Variants in SHISA5 observed in about 807,000 individuals in gnomAD.
SHISA5 encodes the protein protein shisa-5.
A neutral mutation model predicts 27.5 loss-of-function variants in SHISA5; 21 were observed. That is an observed-to-expected ratio of 0.76 (90% CI 0.54 to 1.10). The LOEUF (loss-of-function observed/expected upper bound fraction) is 1.10, where lower values mean the gene tolerates loss of function less well. SHISA5 is among the 50% of genes least tolerant of loss of function. SHISA5 has a pLI of 0.00. For synonymous variants in SHISA5, 137 were observed against 142.2 expected (o/e 0.96, Z 0.26); for missense variants, 314 against 336.3 (o/e 0.93, Z 0.52).
Position 48,504,052 on chromosome 3 carries a change from G to A in SHISA5, c.43C>T (p.Leu15=). ...VPAPRILLPL[L]LLLLLTPPPG... Reference sequence around the variant, plus strand: ...GGCGGCGTTAGCAGCAGCAGCAACAGCAACGGCAACAGGATCCGCGGCGCG... The same window carrying A: ...GGCGGCGTTAGCAGCAGCAGCAACAACAACGGCAACAGGATCCGCGGCGCG... Residue 15 remains leucine (L), a synonymous_variant, in exon 1 of 6, where the codon CTG becomes TTG. Transcript: ENST00000296444. This position sits in a 1 kb window ranked among gnomAD's most constrained non-coding sequence, Gnocchi z 4.0. The A allele has an allele frequency of 5.5e-6, 8 of 1,455,522 alleles. No homozygotes were observed. The highest frequency in any genetic ancestry group is 7.3e-6 in the Non-Finnish European group (8 of 1,099,804). The allele number at this position is 1,455,522 out of a possible 1,614,324, so 90.2% of individuals were successfully genotyped here. A position where few individuals can be genotyped will look rare whatever the true frequency, so the allele number is the denominator to read the frequency against.
At chr3:48,503,180 C>A in intron 1 of SHISA5, 1 of 1,289,778 alleles carries the variant, frequency 7.8e-7, no homozygotes, top group East Asian at 5.6e-5. Context: ...CCAATCTGAG[C>A]CTCTGAGCTA....
At chr3:48,498,721 AAAG>A (rs938778557) in intron 2 of SHISA5, among the ~76,000 whole-genome samples, 7 of 151,834 alleles carry the variant, frequency 4.6e-5, no homozygotes, top group African/African-American at 9.7e-5. Flanking sequence ...ACAGAATGGA[AAAG>A]AAGAAGTAAC....
intron 3 of SHISA5, among the ~76,000 whole-genome samples, chr3:48,474,495 C>T (rs2040754340): frequency 6.6e-6 from 1 of 151,860 alleles, no homozygotes; most frequent in African/African-American, 2.4e-5. Flanking sequence ...TGCCACCACA[C>T]CTGGCTAATT....
At chr3:48,471,617 A>T (rs1297468121) in intron 3 of SHISA5, among the ~76,000 whole-genome samples, 2 of 148,644 alleles carry the variant, frequency 1.3e-5, no homozygotes, top group Non-Finnish European at 3.0e-5. Context: ...AAAAGATTTT[A>T]AAAAATAAAA....
In SHISA5 at chr3:48,467,897, T is replaced by TAAAC; in HGVS notation, c.*1206_*1209dup. The TAAAC allele has an allele frequency of 2.1e-6, 1 of 470,398 alleles. No homozygotes were observed. The highest frequency in any genetic ancestry group is 3.8e-6 in the Non-Finnish European group (1 of 263,092). The allele number at this position is 470,398 out of a possible 1,614,324, so 29.1% of individuals were successfully genotyped here. ...CAGCTCCAAACGATTGCATTTATTATAAACAAGTGTACAGACCCTAGACTC... is the reference window on the plus strand; with the variant it reads ...CAGCTCCAAACGATTGCATTTATTATAAACAAACAAGTGTACAGACCCTAGACTC... On this transcript the variant is annotated 3_prime_UTR_variant, in exon 6 of 6. Coordinates refer to ENST00000296444, the MANE Select transcript of SHISA5 (RefSeq NM_016479.6).
Position 48,481,709 on chromosome 3 carries a change from C to A in SHISA5, c.234-2452G>T, listed in dbSNP as rs1440540394. ...GGCTGAGGCAGGAGAATTGTTTGAA[C>A]CTGGGAGGTGGAGGTTGCTGTGAGC... On this transcript the variant is annotated intron_variant, in intron 2 of 5. Coordinates refer to ENST00000296444, the MANE Select transcript of SHISA5 (RefSeq NM_016479.6). 1.1e-4 allele frequency among the ~76,000 whole-genome samples: 16 copies of A among 151,640 alleles called. 1 individual carries two copies. The highest frequency in any genetic ancestry group is 1.5e-5 in the Non-Finnish European group (1 of 67,946).
chr3:48,494,485 T>G (rs1358803882), intron 2 of SHISA5, among the ~76,000 whole-genome samples: 1 of 146,436 alleles, frequency 6.8e-6, no homozygotes, highest in Non-Finnish European at 1.5e-5. Flanking sequence ...AGTAGAAACG[T>G]GGTTTCACCA....
chr3:48,490,331 C>T (rs1014067357), intron 2 of SHISA5, among the ~76,000 whole-genome samples: 4 of 152,228 alleles, frequency 2.6e-5, no homozygotes, highest in African/African-American at 7.2e-5. Flanking sequence ...CCTCGGCTTC[C>T]CGAAGTGGTA....
At chr3:48,503,296 C>T (rs1016125275) in intron 1 of SHISA5, 25 of 651,384 alleles carry the variant, frequency 3.8e-5, no homozygotes, top group Admixed American at 9.5e-5. Context: ...TACAGGCTCA[C>T]TCCAGGAGTG....
chr3:48,485,161 C>A (rs890253287), intron 2 of SHISA5, among the ~76,000 whole-genome samples: 5 of 151,836 alleles, frequency 3.3e-5, no homozygotes, highest in African/African-American at 4.8e-5. Flanking sequence ...GGGGACAGAG[C>A]AAGACTCAGT....
chr3:48,503,843 G>A, intron 1 of SHISA5, 176 bp downstream of exon 1: 1 of 1,288,494 alleles, frequency 7.8e-7, no homozygotes, highest in Non-Finnish European at 9.8e-7. Flanking sequence ...AGGCAAGGAG[G>A]GTGCTGGGGT....
intron 3 of SHISA5, among the ~76,000 whole-genome samples, chr3:48,474,768 T>A (rs543468815): frequency 1.3e-5 from 2 of 152,186 alleles, no homozygotes; most frequent in Non-Finnish European, 2.9e-5. Flanking sequence ...GAAAGCACCA[T>A]GCTGTGTCCT....
intron 2 of SHISA5, among the ~76,000 whole-genome samples, chr3:48,480,308 A>T (rs1326753023): frequency 6.6e-6 from 1 of 152,044 alleles, no homozygotes; most frequent in East Asian, 1.9e-4. Context: ...GCAAAATAAA[A>T]CCAAAACTCT....
Position 48,473,393 on chromosome 3 carries a change from T to G in SHISA5, c.315-3550A>C. The stretch of plus-strand genomic sequence containing the variant: ...GCCTCAGTGGGCCCCAACCACACTC[T>G]AGCTCAGCAGCACCCCCACCCCCAC... On this transcript the variant is annotated intron_variant, in intron 3 of 5. Transcript: ENST00000296444. This position sits in a 1 kb window ranked among gnomAD's most constrained non-coding sequence, Gnocchi z 4.3. 7.6e-7 allele frequency: 1 copy of G among 1,320,484 alleles called. No homozygotes were observed. The highest frequency in any genetic ancestry group is 9.9e-7 in the Non-Finnish European group (1 of 1,009,774). 81.8% of individuals were successfully genotyped at this position (1,320,484 alleles called of 1,614,324 possible). A position where few individuals can be genotyped will look rare whatever the true frequency, so the allele number is the denominator to read the frequency against.
Position 48,499,717 on chromosome 3 carries a change from A to AG in SHISA5, c.233+1419dup, listed in dbSNP as rs1480319400. ...AAAAAAATACAAAAATACAAAAATT[A>AG]GCCAGGTGTGGTGGTGCACGCCTAT... On this transcript the variant is annotated intron_variant, in intron 2 of 5. Coordinates refer to ENST00000296444, the MANE Select transcript of SHISA5 (RefSeq NM_016479.6). Among the ~76,000 whole-genome samples the AG allele has an allele frequency of 2.2e-5, 3 of 136,616 alleles. No homozygotes were observed. In the Admixed American group the frequency reaches 2.2e-4, roughly 10 times the overall value. The allele number at this position is 136,616 out of a possible 152,430, so 89.6% of individuals were successfully genotyped here. A position where few individuals can be genotyped will look rare whatever the true frequency, so the allele number is the denominator to read the frequency against.
rs1560117539 is a variant in SHISA5, at chr3:48,469,549, G to A, written c.455C>T (p.Thr152Ile). ...PRPVVTTTTS[T>I]TVVHAPYPQP... ...AGGATAAGGGGCATGCACCACAGTGGTGGATGTGGTGGTGGTGACAACCGC... is the reference window on the plus strand; with the variant it reads ...AGGATAAGGGGCATGCACCACAGTGATGGATGTGGTGGTGGTGACAACCGC... Residue 152 changes from threonine to isoleucine, a missense_variant, in exon 5 of 6, where the codon ACC (threonine) becomes ATC (isoleucine). Coordinates refer to ENST00000296444, the MANE Select transcript of SHISA5 (RefSeq NM_016479.6). This position sits in a 1 kb window ranked among gnomAD's most constrained non-coding sequence, Gnocchi z 4.6. The A allele has an allele frequency of 1.2e-6, 2 of 1,610,278 alleles. No individual in the cohort carries two copies. Among genetic ancestry groups the A allele is most frequent in the Non-Finnish European group, 1.7e-6 (2 of 1,177,366 alleles).
intron 1 of SHISA5, among the ~76,000 whole-genome samples, chr3:48,501,862 T>TA (rs2041764192): frequency 7.0e-6 from 1 of 143,182 alleles, no homozygotes; most frequent in South Asian, 2.2e-4. Context: ...CTTTCTTTCT[T>TA]TTTTTTTTTT....
intron 2 of SHISA5, among the ~76,000 whole-genome samples, chr3:48,483,756 C>CTGGCGGG (rs1434644108): frequency 2.0e-5 from 3 of 147,562 alleles, no homozygotes; most frequent in East Asian, 2.0e-4. Flanking sequence ...GGCGGCTGGC[C>CTGGCGGG]GGGCGGGGGG....
Position 48,473,686 on chromosome 3 carries a change from T to A in SHISA5, c.315-3843A>T. ...CTATGGCTCCTGTAGCTCTTGCGAT[T>A]ACAAAGGAATTTGCTTTATAATTAC... On this transcript the variant is annotated intron_variant, in intron 3 of 5. Coordinates refer to ENST00000296444, the MANE Select transcript of SHISA5 (RefSeq NM_016479.6). The surrounding 1 kb of genome is among the most constrained non-coding windows in gnomAD (Gnocchi z 4.3). The A allele has an allele frequency of 1.2e-6, 1 of 820,636 alleles. No homozygotes were observed. Among genetic ancestry groups the A allele is most frequent in the Non-Finnish European group, 1.5e-6 (1 of 679,836 alleles). The allele number at this position is 820,636 out of a possible 1,614,324, so 50.8% of individuals were successfully genotyped here.
Sources: allele counts gnomAD v4.1 joint callset (sites outside exome capture counted in the v4.1 genomes callset), GRCh38; gene constraint gnomAD v4.1.1; non-coding constraint Gnocchi (gnomAD v3.1); transcripts MANE v1.5; gene names NCBI Gene and HGNC (gene_info 2026-07-23, HGNC 2026-07-21).